ANK3: variants seen among roughly 807,000 people sequenced by gnomAD.
ANK3 encodes ankyrin 3, also known as ankyrin-3.
Under a neutral mutation model 370.9 loss-of-function variants are expected in ANK3, and 57 were observed. The observed-to-expected ratio is 0.15, with a 90% confidence interval of 0.12 to 0.19. ANK3 has a LOEUF of 0.19. Among genes scored for constraint, ANK3 ranks in the 10% least tolerant of loss-of-function variants. ANK3 has a pLI of 1.00. For missense variants in ANK3, 4,439 were observed against 5,302.1 expected (o/e 0.84, Z 5.06); for synonymous variants, 1,929 against 1,946.3 (o/e 0.99, Z 0.23).
intron 2 of ANK3, among the ~76,000 whole-genome samples, chr10:60,580,384 C>A (rs181071056): frequency 2.3e-3 from 347 of 152,254 alleles, no homozygotes; most frequent in African/African-American, 4.5e-3. Context: ...CATATAAACA[C>A]CATGGTTTCT....
intron 2 of ANK3, among the ~76,000 whole-genome samples, chr10:60,550,948 A>C (rs796753082): frequency 4.6e-5 from 7 of 152,224 alleles, no homozygotes; most frequent in African/African-American, 1.7e-4. Context: ...CATCACTTCA[A>C]TATATCTACA....
chr10:60,715,206 C>T (rs1471456800), intron 1 of ANK3, among the ~76,000 whole-genome samples: 3 of 104,952 alleles, frequency 2.9e-5, no homozygotes, highest in Admixed American at 1.2e-4. Flanking sequence ...TATATATTTA[C>T]ATATACAAAT....
intron 2 of ANK3, among the ~76,000 whole-genome samples, chr10:60,500,575 A>C (rs918579310): frequency 1.3e-5 from 2 of 152,194 alleles, no homozygotes; most frequent in Non-Finnish European, 2.9e-5. Flanking sequence ...TTGAAAATAC[A>C]GTGAGGTTTT....
At chr10:60,631,278 C>T (rs1279669531) in intron 1 of ANK3, among the ~76,000 whole-genome samples, 1 of 152,030 alleles carries the variant, frequency 6.6e-6, no homozygotes, top group African/African-American at 2.4e-5. Context: ...CCTGTAATCC[C>T]AGCACTTTCG....
intron 8 of ANK3, among the ~76,000 whole-genome samples, chr10:60,232,070 C>A (rs917436919): frequency 1.3e-5 from 2 of 152,092 alleles, no homozygotes; most frequent in Non-Finnish European, 2.9e-5. Context: ...TCTCCTGGCC[C>A]TCCCCTGTGA....
chr10:60,332,308 G>A (rs997255221), intron 1 of ANK3, among the ~76,000 whole-genome samples: 8 of 152,092 alleles, frequency 5.3e-5, no homozygotes, highest in East Asian at 1.9e-4. Context: ...TTAATTATAC[G>A]CATAATATTT....
At chr10:60,447,272 C>T (rs1422254556) in intron 2 of ANK3, among the ~76,000 whole-genome samples, 4 of 152,038 alleles carry the variant, frequency 2.6e-5, no homozygotes, top group South Asian at 4.2e-4. Flanking sequence ...TCACAGCCTG[C>T]GACAAAGGGG....
chr10:60,513,500 T>C (rs2076140353), intron 2 of ANK3, among the ~76,000 whole-genome samples: 1 of 152,034 alleles, frequency 6.6e-6, no homozygotes, highest in African/African-American at 2.4e-5. Flanking sequence ...AAGTGAAACA[T>C]TGAAGGGAGT....
upstream of ANK3, among the ~76,000 whole-genome samples, chr10:60,390,765 CAA>C (rs372941625): frequency 0.23 from 10,550 of 45,060 alleles, 530 homozygotes; most frequent in South Asian, 0.39. Flanking sequence ...CACACACACA[CAA>C]ACAACAATTT....
intron 18 of ANK3, among the ~76,000 whole-genome samples, chr10:60,174,462 C>T (rs1030833887): frequency 6.6e-6 from 1 of 152,184 alleles, no homozygotes; most frequent in Non-Finnish European, 1.5e-5. Context: ...TCAGATACTG[C>T]ACCCATGATC....
At chr10:60,170,690 A>T (rs1176998827) in intron 21 of ANK3, among the ~76,000 whole-genome samples, 1 of 152,186 alleles carries the variant, frequency 6.6e-6, no homozygotes, top group Admixed American at 6.5e-5. Context: ...GTGAAAAGGC[A>T]CTATTCCTGT....
rs12261050 is a variant in ANK3 at position 60,405,396 on chromosome 10, G to A, written c.97-125757C>T. Among the ~76,000 whole-genome samples, 386 of 152,278 alleles carry A rather than the reference G, an allele frequency of 2.5e-3. 3 individuals carry two copies. The highest frequency in any genetic ancestry group is 9.1e-3 in the African/African-American group (378 of 41,562). ...AGTAAAAGAAGCATTTCTCAAATGA[G>A]TATATACTGTATGTTCCATTTACAT... On this transcript the variant is annotated intron_variant, in intron 2 of 43. Transcript: ENST00000373827.
chr10:60,356,228 T>C (rs74590530), intron 1 of ANK3, among the ~76,000 whole-genome samples: 3,483 of 152,300 alleles, frequency 0.023, 69 homozygotes, highest in Middle Eastern at 0.051. Flanking sequence ...ACACCCTCTG[T>C]TGTTAAACAC....
chr10:60,366,412 A>G (rs763714399), intron 1 of ANK3, among the ~76,000 whole-genome samples: 1 of 152,158 alleles, frequency 6.6e-6, no homozygotes, highest in Non-Finnish European at 1.5e-5. Flanking sequence ...TTTTTACCTT[A>G]GTGATAATGA....
At chr10:60,221,487 T>C (rs1174325008) in intron 8 of ANK3, among the ~76,000 whole-genome samples, 1 of 152,194 alleles carries the variant, frequency 6.6e-6, no homozygotes, top group Non-Finnish European at 1.5e-5. Flanking sequence ...TAACTCAGCT[T>C]CCACAATTGT....
chr10:60,670,819 G>A (rs1223049400), intron 1 of ANK3, among the ~76,000 whole-genome samples: 1 of 152,218 alleles, frequency 6.6e-6, no homozygotes, highest in Non-Finnish European at 1.5e-5. Context: ...GACTCCAAGT[G>A]GGAGTGTTGT....
rs1357617298 is a variant in ANK3, at chr10:60,073,024, T to C, written c.7857A>G (p.Lys2619=). The change falls in exon 37 of 44, where the codon AAA becomes AAG. Residue 2619 remains lysine (K), a synonymous_variant. Coordinates refer to ENST00000280772, the MANE Select transcript of ANK3 (RefSeq NM_020987.5). The part of the protein sequence containing the change: ...PEKKARPKNG[K]EYSSQSPTSS... Reference sequence around the variant, plus strand: ...TGGTAGGGCTTTGAGAAGAATATTCTTTGCCATTTTTAGGGCGTGCCTTTT... The same window carrying C: ...TGGTAGGGCTTTGAGAAGAATATTCCTTGCCATTTTTAGGGCGTGCCTTTT... The C allele has an allele frequency of 4.3e-6, 7 of 1,614,160 alleles. No homozygotes were observed. The highest frequency in any genetic ancestry group is 2.2e-5 in the East Asian group (1 of 44,874).
intron 2 of ANK3, among the ~76,000 whole-genome samples, chr10:60,500,161 C>T (rs138582916): frequency 7.9e-5 from 12 of 152,230 alleles, no homozygotes; most frequent in East Asian, 1.9e-4. Flanking sequence ...AGGTGTTGCA[C>T]GATCAGAGCA....
At chr10:60,146,059 A>G in intron 23 of ANK3, 1 of 1,528,532 alleles carries the variant, frequency 6.5e-7, no homozygotes, top group Admixed American at 2.0e-5. Flanking sequence ...AAATAAAACA[A>G]AACAAAATAT....
Sources: gnomAD v4.1 joint callset for allele counts (sites outside exome capture counted in the v4.1 genomes callset) on GRCh38, gnomAD v4.1.1 for gene constraint, MANE v1.5 for transcripts, NCBI Gene and HGNC (gene_info 2026-07-23, HGNC 2026-07-21) for gene names.